CASK: variants seen among roughly 807,000 people sequenced by gnomAD.
CASK encodes the protein peripheral plasma membrane protein CASK.
CASK carries 4 observed loss-of-function variants against 82.9 expected under a neutral mutation model. The observed-to-expected ratio is 0.05, with a 90% CI of 0.02 to 0.11. CASK has a LOEUF of 0.11. Ranked by LOEUF, CASK falls within the 10% of genes least tolerant of loss-of-function variation. The pLI, the probability that CASK is intolerant of heterozygous loss-of-function variation, is 1.00. For synonymous variants in CASK, 259 were observed against 253.5 expected (o/e 1.02, Z -0.20); for missense variants, 358 against 720.9 (o/e 0.50, Z 5.76).
rs970144546 is a variant in CASK, at chrX:41,622,880, A to ATT, written c.1016-248_1016-247dup. On this transcript the variant is annotated intron_variant, in intron 10 of 26. Transcript: ENST00000378163. Reference sequence around the variant, plus strand: ...ATGAGAAAAGAATATTTCAACATTGATTTTTTTTTTTTTTTTTTGAGATGG... The same window carrying ATT: ...ATGAGAAAAGAATATTTCAACATTGATTTTTTTTTTTTTTTTTTTTGAGATGG... Among the ~76,000 whole-genome samples the ATT allele has an allele frequency of 2.3e-3, 218 of 96,858 alleles. 2 individuals are homozygous for ATT. The highest frequency in any genetic ancestry group is 7.6e-3 in the African/African-American group (203 of 26,709). 84.1% of individuals were successfully genotyped at this position (96,858 alleles called of 115,157 possible).
At chrX:41,547,662 G>A (rs1269512884) in intron 21 of CASK, among the ~76,000 whole-genome samples, 3 of 105,103 alleles carry the variant, frequency 2.9e-5, no homozygotes, top group Non-Finnish European at 3.9e-5. Context: ...TTGCTCTGTC[G>A]CCCAGGCTGG....
chrX:41,779,800 A>G (rs1317427564), intron 3 of CASK, among the ~76,000 whole-genome samples: 4 of 110,847 alleles, frequency 3.6e-5, no homozygotes, highest in African/African-American at 1.3e-4. Context: ...TATCAGTATA[A>G]ATAAATTTCA....
chrX:41,693,824 C>T (rs150598736), intron 5 of CASK, among the ~76,000 whole-genome samples: 400 of 111,539 alleles, frequency 3.6e-3, no homozygotes, highest in African/African-American at 0.012. Flanking sequence ...ACATAACTTC[C>T]TCTTCACCAG....
intron 5 of CASK, among the ~76,000 whole-genome samples, chrX:41,719,956 G>A (rs1314959134): frequency 8.9e-6 from 1 of 112,479 alleles, no homozygotes; most frequent in Admixed American, 9.4e-5. Flanking sequence ...TCTTTATCAC[G>A]GCTAGCAGAT....
chrX:41,801,948 C>A (rs1173524059), intron 2 of CASK, among the ~76,000 whole-genome samples: 2 of 111,080 alleles, frequency 1.8e-5, no homozygotes, highest in African/African-American at 3.3e-5. Context: ...ATACCCTTAG[C>A]CCAAGGCAGA....
chrX:41,706,957 C>T (rs1268522130), intron 5 of CASK, among the ~76,000 whole-genome samples: 1 of 112,244 alleles, frequency 8.9e-6, no homozygotes, highest in East Asian at 2.8e-4. Flanking sequence ...ACCCAGGAAA[C>T]TACGAACTCT....
chrX:41,632,725 T>C (rs747998937), intron 9 of CASK, among the ~76,000 whole-genome samples: 1 of 111,718 alleles, frequency 9.0e-6, no homozygotes, highest in Admixed American at 9.6e-5. Context: ...GACCAATCAG[T>C]AAGTCAGAGA....
intron 4 of CASK, 66 bp from the exon 5 acceptor site, chrX:41,739,522 C>T: frequency 1.4e-6 from 1 of 705,994 alleles, no homozygotes; most frequent in Non-Finnish European, 2.3e-6. Flanking sequence ...ATATACAGTG[C>T]TCCTAGTTTA....
At chrX:41,896,200 C>T (rs191365062) in intron 1 of CASK, among the ~76,000 whole-genome samples, 1 of 112,211 alleles carries the variant, frequency 8.9e-6, no homozygotes, top group East Asian at 2.8e-4. Context: ...GAAAAGCTGA[C>T]TGGCTTAAGA....
At chrX:41,563,509 A>T (rs1430133432) in intron 16 of CASK, among the ~76,000 whole-genome samples, 1 of 110,126 alleles carries the variant, frequency 9.1e-6, no homozygotes, top group Non-Finnish European at 1.9e-5. Flanking sequence ...TATAATGAAG[A>T]GAATGAACCA....
At chrX:41,557,211 G>A in intron 18 of CASK, 111 bp from the exon 19 acceptor site, 2 of 666,271 alleles carry the variant, frequency 3.0e-6, no homozygotes, top group Non-Finnish European at 4.9e-6. Flanking sequence ...TGAGGTTTGA[G>A]CTGTATAGGT....
At chrX:41,532,903 G>A (rs373541320) in intron 24 of CASK, among the ~76,000 whole-genome samples, 3 of 111,083 alleles carry the variant, frequency 2.7e-5, no homozygotes, top group East Asian at 2.8e-4. Context: ...TCCAGCTCCC[G>A]GGTTCCAAGC....
At chrX:41,879,137 G>C (rs2071894891) in intron 1 of CASK, among the ~76,000 whole-genome samples, 2 of 111,407 alleles carry the variant, frequency 1.8e-5, no homozygotes, top group African/African-American at 3.3e-5. Context: ...GAAAAATGCA[G>C]ATTATTGTGG....
At chrX:41,759,380 C>T (rs2068955809) in intron 3 of CASK, among the ~76,000 whole-genome samples, 1 of 111,900 alleles carries the variant, frequency 8.9e-6, no homozygotes, top group Non-Finnish European at 1.9e-5. Flanking sequence ...CCTGGTGCTG[C>T]CTGACTAAAA....
chrX:41,864,113 C>T (rs1444267149), intron 1 of CASK, among the ~76,000 whole-genome samples: 1 of 111,226 alleles, frequency 9.0e-6, no homozygotes, highest in Non-Finnish European at 1.9e-5. Context: ...CATTTAAAAC[C>T]ATGTTTTAAA....
In CASK at chrX:41,774,566, C is replaced by T. The variant is rs746785069; in HGVS notation, c.278+12612G>A. ...GTTCATATGGAACCAAAAAAGAGCC[C>T]GCATTGCCAAGTCAATCCTAAGCCA... On this transcript the variant is annotated intron_variant, in intron 3 of 26. Transcript: ENST00000378163. Among the ~76,000 whole-genome samples, 505 of 111,144 alleles carry T rather than the reference C, an allele frequency of 4.5e-3. 6 individuals carry two copies. Among genetic ancestry groups the T allele is most frequent in the African/African-American group, 0.016 (481 of 30,586 alleles).
At chrX:41,815,864 A>G (rs1047963530) in intron 2 of CASK, among the ~76,000 whole-genome samples, 1 of 112,235 alleles carries the variant, frequency 8.9e-6, no homozygotes, top group African/African-American at 3.2e-5. Flanking sequence ...AGTGATAAAA[A>G]CAAAGTTTTT....
intron 3 of CASK, among the ~76,000 whole-genome samples, chrX:41,770,313 TATCCATCC>T (rs772189964): frequency 2.5e-4 from 24 of 95,932 alleles, no homozygotes; most frequent in African/African-American, 4.7e-4. Context: ...CCTACCTACC[TATCCATCC>T]ATCCATCCAT....
intron 1 of CASK, among the ~76,000 whole-genome samples, chrX:41,856,705 A>G (rs921431184): frequency 1.1e-4 from 12 of 106,768 alleles, no homozygotes; most frequent in Non-Finnish European, 1.9e-4. Flanking sequence ...CTGAGGCAGG[A>G]GAATGGTATG....
Sources: allele counts gnomAD v4.1 joint callset (sites outside exome capture counted in the v4.1 genomes callset), GRCh38; gene constraint gnomAD v4.1.1; transcripts MANE v1.5; gene names NCBI Gene and HGNC (gene_info 2026-07-23, HGNC 2026-07-21).